The following SF3B3 variants were observed in gnomAD, a reference collection of about 807,000 sequenced individuals.
SF3B3 encodes splicing factor 3b subunit 3.
Under a neutral mutation model 139.2 loss-of-function variants are expected in SF3B3, and 33 were observed. The ratio of observed to expected loss-of-function variants is 0.24; its 90% CI spans 0.18 to 0.32. The LOEUF is 0.32. Ranked by LOEUF, SF3B3 falls within the 10% of genes least tolerant of loss-of-function variation. The pLI is 1.00. For synonymous variants in SF3B3, 596 were observed against 563.6 expected (o/e 1.06, Z -0.81); for missense variants, 818 against 1,509.4 (o/e 0.54, Z 7.59).
intron 15 of SF3B3, among the ~76,000 whole-genome samples, chr16:70,559,427 C>T (rs944269993): frequency 1.3e-5 from 2 of 152,112 alleles, no homozygotes; most frequent in Admixed American, 1.3e-4. Flanking sequence ...TGGCTCACAC[C>T]TGTAATCCCA....
Position 70,574,513 on chromosome 16 carries a change from A to G in SF3B3, c.*2700A>G, listed in dbSNP as rs1285076309. 6.6e-6 allele frequency: 1 copy of G among 152,084 alleles called. No individual in the cohort carries two copies. The highest frequency in any genetic ancestry group is 2.4e-5 in the African/African-American group (1 of 41,376). 9.4% of individuals were successfully genotyped at this position (152,084 alleles called of 1,614,324 possible). A position where few individuals can be genotyped will look rare whatever the true frequency, so the allele number is the denominator to read the frequency against. On this transcript the variant is annotated 3_prime_UTR_variant, in exon 26 of 26. Coordinates refer to ENST00000302516, the MANE Select transcript of SF3B3 (RefSeq NM_012426.5). ...TTCTTGTTTTTTTGTTTGTTTGTTT[A>G]TTAGAGATGGAATCTCTCTCTCTTG...
chr16:70,526,882 A>G, intron 2 of SF3B3, 156 bp downstream of exon 2: 1 of 614,672 alleles, frequency 1.6e-6, no homozygotes, highest in Admixed American at 2.9e-5. Flanking sequence ...GTTCTGGTGC[A>G]TTATCTGTTA....
intron 4 of SF3B3, among the ~76,000 whole-genome samples, 165 bp from the exon 5 acceptor site, chr16:70,532,314 C>G (rs529443614): frequency 7.4e-6 from 1 of 134,570 alleles, no homozygotes; most frequent in African/African-American, 3.1e-5. Context: ...GATCATACCT[C>G]TGTGCACTGC....
At chr16:70,527,798 CAG>C (rs906492970) in intron 2 of SF3B3, among the ~76,000 whole-genome samples, 2 of 152,066 alleles carry the variant, frequency 1.3e-5, no homozygotes, top group African/African-American at 4.8e-5. Context: ...TTCCTTGAAA[CAG>C]AGTCCTGCTC....
chr16:70,547,342 A>G (rs1165274477), intron 10 of SF3B3, among the ~76,000 whole-genome samples: 1 of 152,230 alleles, frequency 6.6e-6, no homozygotes, highest in Non-Finnish European at 1.5e-5. Context: ...ATCATTTAAA[A>G]ACATTCAATA....
rs1391605740 is a variant in SF3B3 at position 70,558,968 on chromosome 16, G to A, written c.2011-1501G>A. ...ATCGGATATTGCAGAAGAAGAAGTT[G>A]GTTAGATTCAGATTTAATTATTGGG... On this transcript the variant is annotated intron_variant, in intron 15 of 25. Transcript: ENST00000302516. Among the ~76,000 whole-genome samples the A allele has an allele frequency of 5.3e-5, 8 of 152,152 alleles. No homozygotes were observed. In the East Asian group the frequency reaches 1.5e-3, roughly 29 times the overall value.
At chr16:70,525,979 A>T (rs8050196) in intron 1 of SF3B3, among the ~76,000 whole-genome samples, 15,480 of 147,372 alleles carry the variant, frequency 0.11, 2,754 homozygotes, top group African/African-American at 0.38. Flanking sequence ...AAAAAAAAAA[A>T]AGGAAAAAAA....
chr16:70,561,134 C>G (rs1297048070), intron 16 of SF3B3, among the ~76,000 whole-genome samples: 2 of 152,092 alleles, frequency 1.3e-5, no homozygotes, highest in African/African-American at 4.8e-5. Flanking sequence ...AATTGTCTTT[C>G]CTCAGCCTCC....
intron 11 of SF3B3, 172 bp from the exon 12 acceptor site, chr16:70,554,274 G>A (rs1028495139): frequency 1.7e-6 from 1 of 577,576 alleles, no homozygotes; most frequent in Admixed American, 3.2e-5. Flanking sequence ...CTGACCCCTA[G>A]TTTTCTTCTG....
chr16:70,546,246 C>T lies in SF3B3; in HGVS notation c.1329+1713C>T, dbSNP rs561144798. On this transcript the variant is annotated intron_variant, in intron 10 of 25. Transcript: ENST00000302516. ...TCACCCTCCCAAAGTGTTGTGATTA[C>T]AAGCGTGAGCCACCGCGCCTGGCCA... Among the ~76,000 whole-genome samples, 198 of 152,354 alleles carry T rather than the reference C, an allele frequency of 1.3e-3. 1 individual carries two copies. The highest frequency in any genetic ancestry group is 5.8e-3 in the South Asian group (28 of 4,830).
At chr16:70,566,355 G>T (rs1204313846) in intron 20 of SF3B3, among the ~76,000 whole-genome samples, 1 of 152,042 alleles carries the variant, frequency 6.6e-6, no homozygotes, top group Non-Finnish European at 1.5e-5. Flanking sequence ...CTGAGCTCAG[G>T]AGTTCAAAAC....
chr16:70,548,575 A>C, intron 11 of SF3B3, 133 bp downstream of exon 11: 2 of 727,572 alleles, frequency 2.7e-6, no homozygotes, highest in Non-Finnish European at 4.6e-6. Flanking sequence ...CTGGCCCAAC[A>C]CTGTTTTTGA....
At chr16:70,533,077 AC>A (rs1421486508) in intron 5 of SF3B3, among the ~76,000 whole-genome samples, 1 of 152,250 alleles carries the variant, frequency 6.6e-6, no homozygotes, top group Non-Finnish European at 1.5e-5. Flanking sequence ...ACTTCAATAG[AC>A]CAGCGTTAGA....
chr16:70,549,910 G>A (rs923911374), intron 11 of SF3B3, among the ~76,000 whole-genome samples: 9 of 152,186 alleles, frequency 5.9e-5, no homozygotes, highest in Non-Finnish European at 1.0e-4. Context: ...GGGTGACAGA[G>A]CGAGACTCCA....
At chr16:70,539,001 G>T in intron 7 of SF3B3, 103 bp from the exon 8 acceptor site, 2 of 857,226 alleles carry the variant, frequency 2.3e-6, no homozygotes, top group South Asian at 2.8e-5. Flanking sequence ...CCCCTGGTCA[G>T]ATATGAAATA....
intron 9 of SF3B3, among the ~76,000 whole-genome samples, 156 bp downstream of exon 9, chr16:70,541,990 G>A (rs921466238): frequency 2.6e-5 from 4 of 152,106 alleles, no homozygotes; most frequent in African/African-American, 9.7e-5. Flanking sequence ...TAAGTCCTCG[G>A]GCTTTTTTTC....
intron 16 of SF3B3, among the ~76,000 whole-genome samples, chr16:70,561,035 T>C (rs4436771): frequency 0.39 from 59,744 of 151,948 alleles, 12,307 homozygotes; most frequent in South Asian, 0.66. Flanking sequence ...TTGTTTTTTT[T>C]TTTGAGATGG....
At position 70,557,039 on chromosome 16, in the gene SF3B3, C is replaced by A; in HGVS notation, c.2010+10C>A. The A allele has an allele frequency of 6.3e-7, 1 of 1,598,566 alleles. No individual in the cohort carries two copies. Among genetic ancestry groups the A allele is most frequent in the South Asian group, 1.1e-5 (1 of 88,614 alleles). On this transcript the variant is annotated intron_variant, in intron 15 of 25. Transcript: ENST00000302516. ...GAATATTGGGCTACAGGTAAGAGAT[C>A]CAGAGGCCCACATTGTGGACATTAG...
Position 70,573,980 on chromosome 16 carries a change from G to A in SF3B3, c.*2167G>A, listed in dbSNP as rs949843621. 6.6e-6 allele frequency: 1 copy of A among 152,216 alleles called. No homozygotes were observed. Among genetic ancestry groups the A allele is most frequent in the Non-Finnish European group, 1.5e-5 (1 of 68,018 alleles). The allele number at this position is 152,216 out of a possible 1,614,324, so 9.4% of individuals were successfully genotyped here. On this transcript the variant is annotated 3_prime_UTR_variant, in exon 26 of 26. Coordinates refer to ENST00000302516, the MANE Select transcript of SF3B3 (RefSeq NM_012426.5). ...TTCTAGTTGGAATGTTGCTTTTCTTGGTTAGTGTAAATGTATTGCTAGTGA... is the reference window on the plus strand; with the variant it reads ...TTCTAGTTGGAATGTTGCTTTTCTTAGTTAGTGTAAATGTATTGCTAGTGA...
Sources: allele counts gnomAD v4.1 joint callset (sites outside exome capture counted in the v4.1 genomes callset), GRCh38; gene constraint gnomAD v4.1.1; transcripts MANE v1.5; gene names NCBI Gene and HGNC (gene_info 2026-07-23, HGNC 2026-07-21).